Variants in CA11 observed in about 807,000 individuals in gnomAD.
The protein encoded by CA11 is carbonic anhydrase-related protein 11.
CA11 carries 20 observed loss-of-function variants against 39.3 expected under a neutral mutation model. The ratio of observed to expected loss-of-function variants is 0.51; its 90% CI spans 0.36 to 0.74. The LOEUF is 0.74. Ranked by LOEUF, CA11 falls within the 30% of genes least tolerant of loss-of-function variation. CA11 has a pLI of 0.00. For synonymous variants in CA11, 166 were observed against 172.5 expected (o/e 0.96, Z 0.29); for missense variants, 336 against 424.6 (o/e 0.79, Z 1.83).
chr19:48,638,842 AAGAGGGTTAGCCCAAGACTT>A (rs757508139), intron 8 of CA11, 26 bp downstream of exon 8: 2 of 1,505,022 alleles, frequency 1.3e-6, no homozygotes, highest in Non-Finnish European at 1.8e-6. Context: ...AGACACATAT[AAGAGGGTTAGCCCAAGACTT>A]AGAGGGGGTG....
At position 48,638,378 on chromosome 19, in the gene CA11, G is replaced by GGT. The variant is rs1555745081; in HGVS notation, c.962-235_962-234insAC. The GGT allele has an allele frequency of 3.5e-5, 11 of 317,548 alleles. 2 individuals are homozygous for GGT. The highest frequency in any genetic ancestry group is 4.5e-5 in the Non-Finnish European group (11 of 244,680). 19.7% of individuals were successfully genotyped at this position (317,548 alleles called of 1,614,324 possible). A position where few individuals can be genotyped will look rare whatever the true frequency, so the allele number is the denominator to read the frequency against. On this transcript the variant is annotated intron_variant, in intron 8 of 8. Coordinates refer to ENST00000084798, the MANE Select transcript of CA11 (RefSeq NM_001217.5). ...TGAACTACTTGAAGGTCTTCATGGGGGGGGGGGGGTGTGGACTGTACCATG... is the reference window on the plus strand; with the variant it reads ...TGAACTACTTGAAGGTCTTCATGGGGGTGGGGGGGGGTGTGGACTGTACCATG...
rs371318271 is a variant in CA11 at position 48,640,309 on chromosome 19, G to A, written c.286-29C>T. 28 of 1,588,138 alleles carry A rather than the reference G, an allele frequency of 1.8e-5. No homozygotes were observed. In the African/African-American group the frequency reaches 2.0e-4, roughly 12 times the overall value. ...TGGGAGAGGCGGGAGCTGTCAGGGG[G>A]CAGGGAGAGATCTTTTATCTCTCGT... is the stretch of plus-strand genomic sequence containing the variant. On this transcript the variant is annotated intron_variant, in intron 3 of 8. Transcript: ENST00000084798.
At position 48,644,539 on chromosome 19, in the gene CA11, G is replaced by A. The variant is rs1014837009; in HGVS notation, c.173C>T (p.Ala58Val). ...GPPFWGLVNA[A>V]WSLCAVGKRQ... ...CTTCCCCACAGCACACAGACTCCACGCTGCATTCACCAGGCCCCAGAAAGG... is the reference window on the plus strand; with the variant it reads ...CTTCCCCACAGCACACAGACTCCACACTGCATTCACCAGGCCCCAGAAAGG... The change falls in exon 3 of 9, where the codon GCG becomes GTG. Residue 58 changes from alanine (A) to valine (V), a missense_variant. Physicochemically the swap from Ala to Val is moderately conservative, Grantham distance 64. Transcript: ENST00000084798. 4.4e-6 allele frequency: 7 copies of A among 1,605,316 alleles called. No homozygotes were observed. Among genetic ancestry groups the A allele is most frequent in the Non-Finnish European group, 4.3e-6 (5 of 1,174,764 alleles).
chr19:48,640,367 C>CA, intron 3 of CA11, 87 bp from the exon 4 acceptor site: 1 of 324,492 alleles, frequency 3.1e-6, no homozygotes, highest in Admixed American at 6.5e-5. Flanking sequence ...TTCCAACAGT[C>CA]TTTTTTTTTT....
rs2030990757 is a variant in CA11, at chr19:48,639,404, G to C, written c.696C>G (p.Phe232Leu). ...GAGAGCCCTGATAGGTGATGAAGCCGAAGGATTCAGGGAACAGGAGCTCCA... is the reference window on the plus strand; with the variant it reads ...GAGAGCCCTGATAGGTGATGAAGCCCAAGGATTCAGGGAACAGGAGCTCCA... Reference protein sequence around the residue: ...LSLELLFPESFGFITYQGSLS... With the variant: ...LSLELLFPESLGFITYQGSLS... The change falls in exon 7 of 9, where the codon TTC becomes TTG. Residue 232 changes from phenylalanine (F) to leucine (L), a missense_variant. Coordinates refer to ENST00000084798, the MANE Select transcript of CA11 (RefSeq NM_001217.5). 6.2e-7 allele frequency: 1 copy of C among 1,613,682 alleles called. No individual in the cohort carries two copies. The highest frequency in any genetic ancestry group is 8.5e-7 in the Non-Finnish European group (1 of 1,179,928).
At position 48,643,225 on chromosome 19, in the gene CA11, T is replaced by C. The variant is rs899410155; in HGVS notation, c.285+1202A>G. Among the ~76,000 whole-genome samples, 1 of 152,088 alleles carries C rather than the reference T, an allele frequency of 6.6e-6. No homozygotes were observed. The highest frequency in any genetic ancestry group is 2.4e-5 in the African/African-American group (1 of 41,390). The stretch of plus-strand genomic sequence containing the variant: ...CCCTCTCTCTCTGTATTTATTTCTT[T>C]CTGAGATGGAGTCTTGTTCTGTCAC... On this transcript the variant is annotated intron_variant, in intron 3 of 8. Transcript: ENST00000084798. This position sits in a 1 kb window ranked among gnomAD's most constrained non-coding sequence, Gnocchi z 4.3.
intron 4 of CA11, 91 bp from the exon 5 acceptor site, chr19:48,639,974 T>A: frequency 6.6e-7 from 1 of 1,505,456 alleles, no homozygotes; most frequent in South Asian, 1.2e-5. Flanking sequence ...TGAGGATTAG[T>A]GCTTAGGGTG....
chr19:48,645,356 G>T (rs746031117), intron 2 of CA11, 47 bp downstream of exon 2: 12 of 1,521,946 alleles, frequency 7.9e-6, no homozygotes, highest in Middle Eastern at 1.7e-4. Context: ...GTCTGAAGAA[G>T]GAGGCGCCGG....
At chr19:48,640,365 G>C (rs1568443127) in intron 3 of CA11, 85 bp from the exon 4 acceptor site, 13 of 469,596 alleles carry the variant, frequency 2.8e-5, no homozygotes, top group Admixed American at 4.3e-5. Flanking sequence ...GATTCCAACA[G>C]TCTTTTTTTT....
rs1257199408 is a variant in CA11 at position 48,646,079 on chromosome 19, TCC to T, written c.-449_-448del. Reference sequence around the variant, plus strand: ...CAGCTCCTGCCTCTTCTCCCCTCTCTCCTTCTTCACCTCCTCCCGCCCTCCCT... The same window carrying T: ...CAGCTCCTGCCTCTTCTCCCCTCTCTTTCTTCACCTCCTCCCGCCCTCCCT... On this transcript the variant is annotated 5_prime_UTR_variant, in exon 1 of 9. Transcript: ENST00000084798. 2 of 327,930 alleles carry T rather than the reference TCC, an allele frequency of 6.1e-6. No individual in the cohort carries two copies. Among genetic ancestry groups the T allele is most frequent in the Non-Finnish European group, 1.1e-5 (2 of 180,822 alleles). 20.3% of individuals were successfully genotyped at this position (327,930 alleles called of 1,614,324 possible).
rs746636245 is a variant in CA11 at position 48,639,403 on chromosome 19, C to A, written c.697G>T (p.Gly233Cys). Residue 233 changes from glycine (G) to cysteine (C), a missense_variant, in exon 7 of 9, where the codon GGC becomes TGC. Physicochemically the swap from Gly to Cys is radical, Grantham distance 159. Transcript: ENST00000084798. ...AGAGAGCCCTGATAGGTGATGAAGC[C>A]GAAGGATTCAGGGAACAGGAGCTCC... ...SLELLFPESF[G>C]FITYQGSLST... 6.2e-7 allele frequency: 1 copy of A among 1,613,482 alleles called. No individual in the cohort carries two copies.
At position 48,640,255 on chromosome 19, in the gene CA11, C is replaced by T. The variant is rs1357559524; in HGVS notation, c.311G>A (p.Gly104Asp). 2 of 1,613,376 alleles carry T rather than the reference C, an allele frequency of 1.2e-6. No homozygotes were observed. The highest frequency in any genetic ancestry group is 1.7e-6 in the Non-Finnish European group (2 of 1,179,764). Residue 104 changes from glycine to aspartate, a missense_variant, in exon 4 of 9, where the codon GGC (glycine) becomes GAC (aspartate). Gly to Asp is a moderately conservative substitution (Grantham distance 94). Coordinates refer to ENST00000084798, the MANE Select transcript of CA11 (RefSeq NM_001217.5). ...TGCAGGCAGGAAGGAGACATGTCGG[C>T]CGGTGTTGTACAAGGTTCCCCGGAG... ...EKLRGTLYNT[G>D]RHVSFLPAPR...
In CA11 at chr19:48,639,294, CAG is replaced by C; in HGVS notation, c.795+9_795+10del. 1.2e-6 allele frequency: 2 copies of C among 1,612,852 alleles called. No homozygotes were observed. The highest frequency in any genetic ancestry group is 1.7e-6 in the Non-Finnish European group (2 of 1,179,552). ...CCAGGCCTAGGAAGGGCGGTGCGGA[CAG>C]AGGGTCACCTGAAGGGAGGTGATAT... On this transcript the variant is annotated intron_variant, in intron 7 of 8. Coordinates refer to ENST00000084798, the MANE Select transcript of CA11 (RefSeq NM_001217.5).
At chr19:48,639,718 C>A (rs1246970079) in intron 5 of CA11, 70 bp downstream of exon 5, 2 of 1,587,590 alleles carry the variant, frequency 1.3e-6, no homozygotes, top group Admixed American at 3.3e-5. Flanking sequence ...CTCCCAGCAC[C>A]CCGCTTCCCT....
rs1048958523 is a variant in CA11 at position 48,645,292 on chromosome 19, G to A, written c.142+111C>T. 20 of 913,062 alleles carry A rather than the reference G, an allele frequency of 2.2e-5. No individual in the cohort carries two copies. The South Asian group carries it at 2.9e-4, about 13-fold the overall frequency. 56.6% of individuals were successfully genotyped at this position (913,062 alleles called of 1,614,324 possible). A position where few individuals can be genotyped will look rare whatever the true frequency, so the allele number is the denominator to read the frequency against. On this transcript the variant is annotated intron_variant, in intron 2 of 8. Coordinates refer to ENST00000084798, the MANE Select transcript of CA11 (RefSeq NM_001217.5). ...CGACTCCTGAGGGACAGAGGAGGGG[G>A]CTGGGACTCCTGGTCCTGGGGGGGA... is the stretch of plus-strand genomic sequence containing the variant.
At position 48,638,028 on chromosome 19, in the gene CA11, T is replaced by C; in HGVS notation, c.*91A>G. 1 of 913,270 alleles carries C rather than the reference T, an allele frequency of 1.1e-6. No individual in the cohort carries two copies. The highest frequency in any genetic ancestry group is 1.6e-6 in the Non-Finnish European group (1 of 638,138). The allele number at this position is 913,270 out of a possible 1,614,324, so 56.6% of individuals were successfully genotyped here. Reference sequence around the variant, plus strand: ...AGACCACTGAGAAAACAGGAAGTATTCTGTCCCTTTAATAGCTTTGTTTTA... The same window carrying C: ...AGACCACTGAGAAAACAGGAAGTATCCTGTCCCTTTAATAGCTTTGTTTTA... On this transcript the variant is annotated 3_prime_UTR_variant, in exon 9 of 9. Transcript: ENST00000084798.
chr19:48,639,715 C>A (rs1217631437), intron 5 of CA11, 73 bp downstream of exon 5: 2 of 1,584,570 alleles, frequency 1.3e-6, no homozygotes, highest in Non-Finnish European at 1.7e-6. Context: ...GGCCTCCCAG[C>A]ACCCCGCTTC....
Position 48,643,950 on chromosome 19 carries a change from C to A in CA11, c.285+477G>T, listed in dbSNP as rs1176135756. ...CTCTGCTAAAAATACAAAAAATTAG[C>A]TGGGCGTGATGGTGCGCATGCCTGT... On this transcript the variant is annotated intron_variant, in intron 3 of 8. Coordinates refer to ENST00000084798, the MANE Select transcript of CA11 (RefSeq NM_001217.5). This position sits in a 1 kb window ranked among gnomAD's most constrained non-coding sequence, Gnocchi z 4.3. Among the ~76,000 whole-genome samples, 1 of 151,962 alleles carries A rather than the reference C, an allele frequency of 6.6e-6. No individual in the cohort carries two copies. Among genetic ancestry groups the A allele is most frequent in the Non-Finnish European group, 1.5e-5 (1 of 68,000 alleles).
chr19:48,639,163 C>T, intron 7 of CA11, 110 bp from the exon 8 acceptor site: 1 of 1,522,988 alleles, frequency 6.6e-7, no homozygotes, highest in South Asian at 1.2e-5. Context: ...GTTCTCAGCC[C>T]CACCCACCCC....
Sources: allele counts gnomAD v4.1 joint callset (sites outside exome capture counted in the v4.1 genomes callset), GRCh38; gene constraint gnomAD v4.1.1; non-coding constraint Gnocchi (gnomAD v3.1); transcripts MANE v1.5; gene names NCBI Gene and HGNC (gene_info 2026-07-23, HGNC 2026-07-21).